GNAL: variants seen among roughly 807,000 people sequenced by gnomAD.
GNAL encodes the protein guanine nucleotide-binding protein G(olf) subunit alpha.
Under a neutral mutation model 55.1 loss-of-function variants are expected in GNAL, and 18 were observed. The observed-to-expected ratio is 0.33, with a 90% CI of 0.23 to 0.48. The LOEUF is 0.48. GNAL is among the 20% of genes least tolerant of loss of function. The pLI, the probability that GNAL is intolerant of heterozygous loss-of-function variation, is 0.99. For synonymous variants in GNAL, 253 were observed against 237.0 expected (o/e 1.07, Z -0.62); for missense variants, 412 against 614.1 (o/e 0.67, Z 3.48).
intron 1 of GNAL, among the ~76,000 whole-genome samples, chr18:11,703,615 A>G (rs1197975859): frequency 2.6e-5 from 4 of 152,362 alleles, no homozygotes; most frequent in East Asian, 3.9e-4. Context: ...ACTAAAAAGC[A>G]TGCCGAGCTG....
chr18:11,877,227 A>G (rs1159532488), intron 11 of GNAL, among the ~76,000 whole-genome samples: 2 of 152,256 alleles, frequency 1.3e-5, no homozygotes, highest in Admixed American at 6.5e-5. Context: ...GCTGAGGCAG[A>G]TGGATCACCT....
chr18:11,772,670 C>G (rs72865283), intron 4 of GNAL, among the ~76,000 whole-genome samples: 24,910 of 152,222 alleles, frequency 0.16, 2,201 homozygotes, highest in East Asian at 0.32. Context: ...ATGTGCTGAC[C>G]TGGAGGCAAA....
chr18:11,709,564 T>C (rs2031790937), intron 1 of GNAL, among the ~76,000 whole-genome samples: 1 of 152,152 alleles, frequency 6.6e-6, no homozygotes, highest in African/African-American at 2.4e-5. Flanking sequence ...TTTTTGATGT[T>C]GTTGTAAATG....
chr18:11,862,197 G>T (rs1356510435), intron 5 of GNAL, among the ~76,000 whole-genome samples, 198 bp from the exon 6 acceptor site: 2 of 152,092 alleles, frequency 1.3e-5, no homozygotes, highest in Non-Finnish European at 2.9e-5. Context: ...AAAAAAGAAT[G>T]CAGTTCTCCC....
intron 4 of GNAL, chr18:11,811,602 C>T (rs7240632): frequency 0.68 from 102,715 of 152,110 alleles, 36,806 homozygotes; most frequent in Admixed American, 0.81. Flanking sequence ...TATTTCATGC[C>T]TTCTCATTAG....
At chr18:11,755,060 A>AT (rs2033002021) in intron 4 of GNAL, among the ~76,000 whole-genome samples, 1 of 151,694 alleles carries the variant, frequency 6.6e-6, no homozygotes, top group African/African-American at 2.4e-5. Flanking sequence ...GTCTTTCAAA[A>AT]TTTGTATTGC....
chr18:11,692,723 C>T (rs2031288812), intron 1 of GNAL, among the ~76,000 whole-genome samples: 1 of 151,864 alleles, frequency 6.6e-6, no homozygotes, highest in Admixed American at 6.6e-5. Context: ...TCAAGACCAG[C>T]CTGGGTAGCA....
chr18:11,883,686 G>A lies in GNAL; in HGVS notation c.*2551G>A, dbSNP rs929413568. ...ACAATATGTTCTGCACATCACATCT[G>A]TACTTTTTTTTTTTTAAATATATTT... is the stretch of plus-strand genomic sequence containing the variant. On this transcript the variant is annotated 3_prime_UTR_variant, in exon 12 of 12. Coordinates refer to ENST00000334049, the MANE Select transcript of GNAL (RefSeq NM_182978.4). 6.6e-6 allele frequency: 1 copy of A among 150,592 alleles called. No individual in the cohort carries two copies. Among genetic ancestry groups the A allele is most frequent in the East Asian group, 1.9e-4 (1 of 5,148 alleles). The allele number at this position is 150,592 out of a possible 1,614,324, so 9.3% of individuals were successfully genotyped here.
intron 9 of GNAL, among the ~76,000 whole-genome samples, chr18:11,872,032 T>G (rs1221515608): frequency 1.3e-5 from 2 of 152,230 alleles, no homozygotes; most frequent in African/African-American, 4.8e-5. Flanking sequence ...TGAAAAAGTT[T>G]TGGATTTTGA....
chr18:11,714,475 A>T (rs1401862350), intron 1 of GNAL, among the ~76,000 whole-genome samples: 3 of 152,206 alleles, frequency 2.0e-5, no homozygotes, highest in Admixed American at 1.3e-4. Context: ...TATGTTAATT[A>T]TGCGTTTGTC....
chr18:11,690,209 C>G (rs1393260025), intron 1 of GNAL, among the ~76,000 whole-genome samples: 4 of 152,162 alleles, frequency 2.6e-5, no homozygotes, highest in African/African-American at 9.7e-5. Context: ...CGCTCGCTCT[C>G]TCTAATTAAT....
At chr18:11,806,924 C>A (rs534479794) in intron 4 of GNAL, among the ~76,000 whole-genome samples, 1 of 152,212 alleles carries the variant, frequency 6.6e-6, no homozygotes, top group South Asian at 2.1e-4. Context: ...GCCTCGGCCT[C>A]CCACAGTGCT....
chr18:11,821,947 C>T lies in GNAL; in HGVS notation c.625-2971C>T, dbSNP rs377007030. On this transcript the variant is annotated intron_variant, in intron 4 of 11. Coordinates refer to ENST00000334049, the MANE Select transcript of GNAL (RefSeq NM_182978.4). ...TGTGGCCCGGTGGCCAGAACGCGCCCAGGCCATGGCCGCCGCTCCGTAGGC... is the reference window on the plus strand; with the variant it reads ...TGTGGCCCGGTGGCCAGAACGCGCCTAGGCCATGGCCGCCGCTCCGTAGGC... Among the ~76,000 whole-genome samples, 59 of 152,382 alleles carry T rather than the reference C, an allele frequency of 3.9e-4. No homozygotes were observed. In the South Asian group the frequency reaches 0.011, roughly 29 times the overall value.
chr18:11,752,936 T>A lies in GNAL; in HGVS notation c.449+11T>A. 6.5e-7 allele frequency: 1 copy of A among 1,533,186 alleles called. No homozygotes were observed. Among genetic ancestry groups the A allele is most frequent in the South Asian group, 1.1e-5 (1 of 89,228 alleles). The allele number at this position is 1,533,186 out of a possible 1,614,324, so 95.0% of individuals were successfully genotyped here. On this transcript the variant is annotated intron_variant, in intron 2 of 11. Coordinates refer to ENST00000334049, the MANE Select transcript of GNAL (RefSeq NM_182978.4). This position sits in a 1 kb window ranked among gnomAD's most constrained non-coding sequence, Gnocchi z 4.5. ...TGGGTTTAATCCCGAGTAAGAATGT[T>A]CAGTTTGCTTCCAAACTGCATGCAA... is the stretch of plus-strand genomic sequence containing the variant.
At chr18:11,701,683 A>T (rs58745136) in intron 1 of GNAL, among the ~76,000 whole-genome samples, 323 of 152,226 alleles carry the variant, frequency 2.1e-3, no homozygotes, top group African/African-American at 7.4e-3. Context: ...TTCATCAAGG[A>T]GCTGCTGAAA....
intron 5 of GNAL, among the ~76,000 whole-genome samples, chr18:11,833,856 C>T (rs1332365969): frequency 2.6e-5 from 4 of 152,266 alleles, no homozygotes; most frequent in South Asian, 2.1e-4. Flanking sequence ...CTTCGTCACA[C>T]GGAACTGTAT....
intron 1 of GNAL, among the ~76,000 whole-genome samples, chr18:11,703,724 A>G (rs1316194382): frequency 6.6e-6 from 1 of 151,402 alleles, no homozygotes. Flanking sequence ...CTCAGAAGTA[A>G]TGCTCTCCAC....
intron 5 of GNAL, among the ~76,000 whole-genome samples, chr18:11,844,415 CAA>C (rs760332699): frequency 6.6e-6 from 1 of 152,176 alleles, no homozygotes; most frequent in Non-Finnish European, 1.5e-5. Context: ...ACCTGGGTGA[CAA>C]GAGCGAAACT....
chr18:11,834,284 G>T (rs2143700430), intron 5 of GNAL, among the ~76,000 whole-genome samples: 1 of 152,296 alleles, frequency 6.6e-6, no homozygotes, highest in Middle Eastern at 3.4e-3. Context: ...TGCTAGGGAG[G>T]GGCGTGTGGG....
Sources: allele counts gnomAD v4.1 joint callset (sites outside exome capture counted in the v4.1 genomes callset), GRCh38; gene constraint gnomAD v4.1.1; non-coding constraint Gnocchi (gnomAD v3.1); transcripts MANE v1.5; gene names NCBI Gene and HGNC (gene_info 2026-07-23, HGNC 2026-07-21).